Variants in SYT4 observed in about 807,000 individuals in gnomAD.
SYT4 encodes the protein synaptotagmin-4.
A neutral mutation model predicts 32.9 loss-of-function variants in SYT4; 7 were observed. The ratio of observed to expected loss-of-function variants is 0.21; its 90% CI spans 0.12 to 0.40. The LOEUF (loss-of-function observed/expected upper bound fraction) is 0.40. SYT4 is among the 10% of genes least tolerant of loss of function. The probability of loss-of-function intolerance (pLI) is 1.00; values close to 1 mark genes in which losing one functional copy is unlikely to be tolerated. For missense variants in SYT4, 480 were observed against 488.0 expected (o/e 0.98, Z 0.16); for synonymous variants, 205 against 186.2 (o/e 1.10, Z -0.82).
chr18:43,273,726 C>T lies in SYT4; in HGVS notation c.703G>A (p.Glu235Lys), dbSNP rs771305461. 8.7e-6 allele frequency: 14 copies of T among 1,613,992 alleles called. No homozygotes were observed. Among genetic ancestry groups the T allele is most frequent in the Non-Finnish European group, 1.2e-5 (14 of 1,179,918 alleles). Residue 235 changes from glutamate to lysine, a missense_variant, in exon 2 of 4, where the codon GAA (glutamate) becomes AAA (lysine). By Grantham distance (56) the Glu-to-Lys change is moderately conservative. Transcript: ENST00000255224. ...AAAATTGTGAAGTGCAAGGCCAATT[C>T]TTGGATTTGGGTGTAGGGTATCCCA... ...FYGIPYTQIQ[E>K]LALHFTILSF... is the part of the protein sequence containing the mutation.
At chr18:43,271,603 T>C (rs1048660454) in intron 3 of SYT4, 109 bp downstream of exon 3, 9 of 1,405,682 alleles carry the variant, frequency 6.4e-6, no homozygotes, top group Middle Eastern at 1.9e-4. Context: ...TTATAGCAGA[T>C]ACATAAGGTA....
chr18:43,269,884 G>A lies in SYT4; in HGVS notation c.*457C>T, dbSNP rs906360988. 3 of 164,102 alleles carry A rather than the reference G, an allele frequency of 1.8e-5. No homozygotes were observed. The highest frequency in any genetic ancestry group is 7.2e-5 in the African/African-American group (3 of 41,496). The allele number at this position is 164,102 out of a possible 1,614,324, so 10.2% of individuals were successfully genotyped here. A position where few individuals can be genotyped will look rare whatever the true frequency, so the allele number is the denominator to read the frequency against. ...ACAGAATTAATAAATACAAACTGGA[G>A]GACATTTTTTTAGTATCTTTGGATT... On this transcript the variant is annotated 3_prime_UTR_variant, in exon 4 of 4. Transcript: ENST00000255224.
rs1382994466 is a variant in SYT4 at position 43,274,404 on chromosome 18, C to T, written c.35-10G>A. On this transcript the variant is annotated splice_polypyrimidine_tract_variant and intron_variant, in intron 1 of 3. Coordinates refer to ENST00000255224, the MANE Select transcript of SYT4 (RefSeq NM_020783.4). Reference sequence around the variant, plus strand: ...ACTGTGGGGATTTCATCTGAAAAATCAAATGACCAATAATATACATTAAAG... The same window carrying T: ...ACTGTGGGGATTTCATCTGAAAAATTAAATGACCAATAATATACATTAAAG... 6.4e-7 allele frequency: 1 copy of T among 1,569,424 alleles called. No individual in the cohort carries two copies. The highest frequency in any genetic ancestry group is 8.6e-7 in the Non-Finnish European group (1 of 1,167,378).
At chr18:43,271,366 G>C (rs967653892) in intron 3 of SYT4, among the ~76,000 whole-genome samples, 4 of 152,036 alleles carry the variant, frequency 2.6e-5, no homozygotes, top group Non-Finnish European at 5.9e-5. Context: ...GAAGAAGTAT[G>C]TATTTCTAGT....
At position 43,274,186 on chromosome 18, in the gene SYT4, T is replaced by C; in HGVS notation, c.243A>G (p.Val81=). ...TCTTTGGCACAGCTGGCTTATTCTT[T>C]ACTTCATTTTTATCATCTGCTCCAA... ...KKFGADDKNE[V]KNKPAVPKNS... Residue 81 remains valine (V), a synonymous_variant, in exon 2 of 4, where the codon GTA becomes GTG. Transcript: ENST00000255224. 1 of 1,614,062 alleles carries C rather than the reference T, an allele frequency of 6.2e-7. No individual in the cohort carries two copies. Among genetic ancestry groups the C allele is most frequent in the Non-Finnish European group, 8.5e-7 (1 of 1,179,960 alleles).
At chr18:43,276,695 C>G (rs1908804020) in intron 1 of SYT4, among the ~76,000 whole-genome samples, 2 of 152,130 alleles carry the variant, frequency 1.3e-5, no homozygotes, top group African/African-American at 4.8e-5. Flanking sequence ...TCTCTTTAAC[C>G]CTGCTACCAT....
Position 43,273,690 on chromosome 18 carries a change from T to C in SYT4, c.739A>G (p.Arg247Gly), listed in dbSNP as rs1483637901. 6.2e-7 allele frequency: 1 copy of C among 1,613,866 alleles called. No individual in the cohort carries two copies. The highest frequency in any genetic ancestry group is 8.5e-7 in the Non-Finnish European group (1 of 1,179,896). ...ALHFTILSFDRFSRDDIIGEV... is the reference protein window; with the variant it reads ...ALHFTILSFDGFSRDDIIGEV... The stretch of plus-strand genomic sequence containing the variant: ...CCAATGATATCATCTCTTGAAAACC[T>C]GTCAAAACTCAAAATTGTGAAGTGC... Residue 247 changes from arginine to glycine, a missense_variant, in exon 2 of 4, where the codon AGG (arginine) becomes GGG (glycine). Physicochemically the swap from Arg to Gly is moderately radical, Grantham distance 125. Transcript: ENST00000255224.
intron 1 of SYT4, among the ~76,000 whole-genome samples, chr18:43,275,848 C>G (rs1435447577): frequency 6.6e-6 from 1 of 151,984 alleles, no homozygotes; most frequent in Non-Finnish European, 1.5e-5. Context: ...ATCAGCTAAA[C>G]TTGGTATCAG....
intron 2 of SYT4, 81 bp from the exon 3 acceptor site, chr18:43,271,913 TC>T: frequency 4.4e-6 from 6 of 1,359,718 alleles, no homozygotes; most frequent in Non-Finnish European, 6.0e-6. Context: ...TTAAATAACA[TC>T]GTCATTTAAA....
rs1908523789 is a variant in SYT4 at position 43,268,471 on chromosome 18, T to A, written c.*1870A>T. ...ACCTCAGCTGCTACCACCATTAACTTCTGGCTGCCGTGAAGAATACTTAGA... is the reference window on the plus strand; with the variant it reads ...ACCTCAGCTGCTACCACCATTAACTACTGGCTGCCGTGAAGAATACTTAGA... On this transcript the variant is annotated 3_prime_UTR_variant, in exon 4 of 4. Coordinates refer to ENST00000255224, the MANE Select transcript of SYT4 (RefSeq NM_020783.4). 2 of 152,114 alleles carry A rather than the reference T, an allele frequency of 1.3e-5. 1 individual carries two copies. The highest frequency in any genetic ancestry group is 2.9e-5 in the Non-Finnish European group (2 of 68,018). 9.4% of individuals were successfully genotyped at this position (152,114 alleles called of 1,614,324 possible).
In SYT4 at chr18:43,277,301, C is replaced by A. The variant is rs1393981217; in HGVS notation, c.-20G>T. 1.9e-6 allele frequency: 3 copies of A among 1,613,978 alleles called. No homozygotes were observed. The Admixed American group carries it at 5.0e-5, about 27-fold the overall frequency. The stretch of plus-strand genomic sequence containing the variant: ...AGCCATTTTTTACTGCGTGTTCTGT[C>A]CGAGGTGCTGAAGGGAAAACTGCCT... On this transcript the variant is annotated 5_prime_UTR_variant, in exon 1 of 4. Coordinates refer to ENST00000255224, the MANE Select transcript of SYT4 (RefSeq NM_020783.4).
Position 43,270,468 on chromosome 18 carries a change from C to A in SYT4, c.1151G>T (p.Arg384Leu), listed in dbSNP as rs149020215. 28 of 1,614,096 alleles carry A rather than the reference C, an allele frequency of 1.7e-5. No individual in the cohort carries two copies. Among genetic ancestry groups the A allele is most frequent in the Non-Finnish European group, 2.4e-5 (28 of 1,179,972 alleles). ...FLVLDSERGS[R>L]NEVIGQLVLG... ...GACTAACTGCCCGATTACCTCATTT[C>A]GGGACCCCCTTTCAGAATCCAAAAC... Residue 384 changes from arginine (R) to leucine (L), a missense_variant, in exon 4 of 4, where the codon CGA (arginine) becomes CTA (leucine). Transcript: ENST00000255224.
intron 2 of SYT4, 101 bp downstream of exon 2, chr18:43,273,479 A>G (rs1057402239): frequency 5.7e-6 from 4 of 704,552 alleles, no homozygotes; most frequent in Non-Finnish European, 9.3e-6. Context: ...CATGGTAAGG[A>G]TGATATGTAC....
chr18:43,275,339 G>A (rs2144369375), intron 1 of SYT4, among the ~76,000 whole-genome samples: 1 of 152,042 alleles, frequency 6.6e-6, no homozygotes, highest in East Asian at 1.9e-4. Context: ...TATTTTATAT[G>A]TAAGCATCTT....
chr18:43,276,056 A>T (rs1908782848), intron 1 of SYT4, among the ~76,000 whole-genome samples: 1 of 152,208 alleles, frequency 6.6e-6, no homozygotes, highest in African/African-American at 2.4e-5. Flanking sequence ...ACATATTTTC[A>T]CTGGCACAGT....
intron 2 of SYT4, among the ~76,000 whole-genome samples, chr18:43,273,027 G>A (rs1450099208): frequency 6.6e-6 from 1 of 151,988 alleles, no homozygotes; most frequent in Non-Finnish European, 1.5e-5. Flanking sequence ...AGAACTACCA[G>A]AGTAGTGTAA....
rs374054209 is a variant in SYT4 at position 43,274,213 on chromosome 18, C to T, written c.216G>A (p.Lys72=). 1 of 1,613,922 alleles carries T rather than the reference C, an allele frequency of 6.2e-7. No homozygotes were observed. The highest frequency in any genetic ancestry group is 1.1e-5 in the South Asian group (1 of 91,070). The change falls in exon 2 of 4, where the codon AAG becomes AAA. Residue 72 remains lysine, a synonymous_variant. Coordinates refer to ENST00000255224, the MANE Select transcript of SYT4 (RefSeq NM_020783.4). ...CTTCATTTTTATCATCTGCTCCAAA[C>T]TTCTTTTTGCTATTTAGGTTTTCAG... ...IYPENLNSKK[K]FGADDKNEVK...
At chr18:43,271,679 C>T in intron 3 of SYT4, 33 bp downstream of exon 3, 2 of 1,609,672 alleles carry the variant, frequency 1.2e-6, no homozygotes, top group South Asian at 2.2e-5. Context: ...TCCAATCATA[C>T]AGTGAATCTG....
At chr18:43,271,660 C>G in intron 3 of SYT4, 52 bp downstream of exon 3, 1 of 1,606,356 alleles carries the variant, frequency 6.2e-7, no homozygotes, top group Non-Finnish European at 8.5e-7. Context: ...CATTTGCAGT[C>G]AAATACATTC....
Sources: allele counts gnomAD v4.1 joint callset (sites outside exome capture counted in the v4.1 genomes callset), GRCh38; gene constraint gnomAD v4.1.1; transcripts MANE v1.5; gene names NCBI Gene and HGNC (gene_info 2026-07-23, HGNC 2026-07-21).